The following MTCL1 variants were observed in gnomAD, a reference collection of about 807,000 sequenced individuals.
The protein encoded by MTCL1 is microtubule cross-linking factor 1.
MTCL1 carries 79 observed loss-of-function variants against 141.4 expected under a neutral mutation model. That is an observed-to-expected ratio of 0.56 (90% confidence interval 0.47 to 0.67). The LOEUF is 0.67. Among genes scored for constraint, MTCL1 ranks in the 30% least tolerant of loss-of-function variants. MTCL1 has a pLI of 0.00. For missense variants in MTCL1, 2,177 were observed against 2,113.9 expected, an observed-to-expected ratio of 1.03 and a Z score of -0.59; for synonymous variants, 914 against 875.8, an observed-to-expected ratio of 1.04 and a Z score of -0.77.
At chr18:8,796,165 CTTGGT>C (rs1178267668) in intron 8 of MTCL1, 62 bp from the exon 8 acceptor site, 4 of 1,535,044 alleles carry the variant, frequency 2.6e-6, no homozygotes, top group Non-Finnish European at 3.6e-6. Flanking sequence ...TGCAGGGACT[CTTGGT>C]TTGGTTTGGG....
rs570271268 is a variant in MTCL1, at chr18:8,824,792, G to A, written c.3282G>A (p.Lys1094=). The A allele has an allele frequency of 5.5e-5, 88 of 1,614,178 alleles. 1 individual carries two copies. In the South Asian group the frequency reaches 9.1e-4, roughly 17 times the overall value. The change falls in exon 15 of 17, where the codon AAG becomes AAA. Residue 1094 remains lysine (K), a synonymous_variant. Transcript: ENST00000359865. ...AGGGCCTGCCGTCCACCAGCAGCAA[G>A]GAGGATGTCACCCCACCCCTGTCTC...
intron 16 of MTCL1, chr18:8,831,082 A>G (rs2077178061): frequency 2.0e-6 from 2 of 985,880 alleles, no homozygotes; most frequent in South Asian, 9.4e-5. Context: ...CTCCCAGTCA[A>G]TTTCAAATAA....
At position 8,830,252 on chromosome 18, in the gene MTCL1, T is replaced by A. The variant is rs975127620; in HGVS notation, c.*18+1288T>A. 9 of 985,406 alleles carry A rather than the reference T, an allele frequency of 9.1e-6. No homozygotes were observed. In the African/African-American group the frequency reaches 1.6e-4, roughly 17 times the overall value. 61.0% of individuals were successfully genotyped at this position (985,406 alleles called of 1,614,324 possible). On this transcript the variant is annotated intron_variant, in intron 16 of 16. Coordinates refer to ENST00000359865, the Ensembl canonical transcript of MTCL1. This position sits in a 1 kb window ranked among gnomAD's most constrained non-coding sequence, Gnocchi z 6.4. Reference sequence around the variant, plus strand: ...TTAACTGGAGAGGTATTTCTGGTTGTCACGGTACTGTTAGCATAATGCTTT... The same window carrying A: ...TTAACTGGAGAGGTATTTCTGGTTGACACGGTACTGTTAGCATAATGCTTT...
At chr18:8,753,957 A>G (rs1281358940) in intron 4 of MTCL1, among the ~76,000 whole-genome samples, 1 of 152,222 alleles carries the variant, frequency 6.6e-6, no homozygotes, top group African/African-American at 2.4e-5. Flanking sequence ...ATTTGGTGAT[A>G]TACTTCAAAT....
intron 15 of MTCL1, among the ~76,000 whole-genome samples, chr18:8,827,996 C>T (rs1281151964): frequency 2.0e-5 from 3 of 152,202 alleles, no homozygotes; most frequent in Non-Finnish European, 2.9e-5. Flanking sequence ...TCAGAGCGGG[C>T]ATGGAGCACT....
intron 13 of MTCL1, 139 bp from the exon 13 acceptor site, chr18:8,821,328 C>A: frequency 1.7e-6 from 1 of 600,340 alleles, no homozygotes; most frequent in African/African-American, 1.9e-5. Flanking sequence ...AGTAGCACTC[C>A]TAACCAGAGC....
At chr18:8,715,983 C>T (rs1035985912), upstream of MTCL1, among the ~76,000 whole-genome samples, 2 of 152,190 alleles carry the variant, frequency 1.3e-5, no homozygotes, top group South Asian at 2.1e-4. Context: ...AGCTCCTATG[C>T]TCAGTCCAGT....
At chr18:8,713,985 G>A (rs563410134), upstream of MTCL1, among the ~76,000 whole-genome samples, 6 of 152,316 alleles carry the variant, frequency 3.9e-5, no homozygotes, top group Admixed American at 2.0e-4. Flanking sequence ...TTTACCGCAC[G>A]TTGCAGTGTC....
At chr18:8,788,820 C>T (rs925935884) in intron 7 of MTCL1, among the ~76,000 whole-genome samples, 1 of 152,180 alleles carries the variant, frequency 6.6e-6, no homozygotes, top group African/African-American at 2.4e-5. Flanking sequence ...TCAATGCAAC[C>T]ACGCAAAAAT....
At chr18:8,805,827 G>GA in intron 10 of MTCL1, among the ~76,000 whole-genome samples, 1 of 152,302 alleles carries the variant, frequency 6.6e-6, no homozygotes, top group Admixed American at 6.5e-5. Context: ...GTGCTGGTTG[G>GA]AAGAGATGGG....
intron 4 of MTCL1, among the ~76,000 whole-genome samples, chr18:8,739,887 A>G (rs2096293105): frequency 6.6e-6 from 1 of 152,078 alleles, no homozygotes; most frequent in Non-Finnish European, 1.5e-5. Flanking sequence ...GCACGCCACC[A>G]CACCCAGCTA....
intron 4 of MTCL1, among the ~76,000 whole-genome samples, chr18:8,748,599 CACACATATAT>C (rs1355064109): frequency 3.3e-5 from 5 of 151,990 alleles, no homozygotes; most frequent in Admixed American, 1.3e-4. Flanking sequence ...CACACATATA[CACACATATAT>C]ATATTCTGAA....
At chr18:8,748,465 C>T (rs375215157) in intron 4 of MTCL1, among the ~76,000 whole-genome samples, 95 of 152,052 alleles carry the variant, frequency 6.2e-4, no homozygotes, top group African/African-American at 2.1e-3. Context: ...ATCGTTTGAG[C>T]GCGGGAGATC....
rs140591538 is a variant in MTCL1 at position 8,776,722 on chromosome 18, G to GTTAT, written c.358-1064_358-1061dup. Among the ~76,000 whole-genome samples, 428 of 142,770 alleles carry GTTAT rather than the reference G, an allele frequency of 3.0e-3. 1 individual carries two copies. The highest frequency in any genetic ancestry group is 3.9e-3 in the East Asian group (19 of 4,904). 93.7% of individuals were successfully genotyped at this position (142,770 alleles called of 152,430 possible). A position where few individuals can be genotyped will look rare whatever the true frequency, so the allele number is the denominator to read the frequency against. On this transcript the variant is annotated intron_variant, in intron 4 of 16. Coordinates refer to ENST00000359865, the Ensembl canonical transcript of MTCL1. ...TTATCTGGCCACTCAGGAAACACTAGTTATTTATTTATTTATTTATTTATT... is the reference window on the plus strand; with the variant it reads ...TTATCTGGCCACTCAGGAAACACTAGTTATTTATTTATTTATTTATTTATTTATT...
At chr18:8,786,119 C>CCTA in intron 7 of MTCL1, 28 bp downstream of exon 6, 2 of 1,428,828 alleles carry the variant, frequency 1.4e-6, no homozygotes. Flanking sequence ...ATCCCCCCCC[C>CCTA]CCGCCCTCCC....
chr18:8,774,569 C>A (rs1292348969), intron 4 of MTCL1, among the ~76,000 whole-genome samples: 1 of 152,124 alleles, frequency 6.6e-6, no homozygotes, highest in Non-Finnish European at 1.5e-5. Flanking sequence ...CTCAGTGCAA[C>A]CTCCACCTCC....
chr18:8,813,835 G>A (rs1380263229), intron 12 of MTCL1, among the ~76,000 whole-genome samples: 1 of 152,102 alleles, frequency 6.6e-6, no homozygotes, highest in Non-Finnish European at 1.5e-5. Context: ...TGGGGAGGAG[G>A]GGGGTAGTCA....
rs2077207253 is a variant in MTCL1, at chr18:8,832,051, TAC to T, written c.*469_*470del. On this transcript the variant is annotated 3_prime_UTR_variant, in exon 17 of 17. Transcript: ENST00000359865. ...AAACTATTTTTGTCTCCATCTTTTTTACACACAGTATATTAAACGAAAAGGTA... is the reference window on the plus strand; with the variant it reads ...AAACTATTTTTGTCTCCATCTTTTTTACACAGTATATTAAACGAAAAGGTA... 8 of 559,006 alleles carry T rather than the reference TAC, an allele frequency of 1.4e-5. No individual in the cohort carries two copies. In the East Asian group the frequency reaches 2.4e-4, roughly 17 times the overall value. The allele number at this position is 559,006 out of a possible 1,614,324, so 34.6% of individuals were successfully genotyped here.
exon 7 of MTCL1, chr18:8,786,046 C>T: frequency 6.3e-7 from 1 of 1,599,564 alleles, no homozygotes; most frequent in Non-Finnish European, 8.5e-7. Flanking sequence ...CAGACGGGGA[C>T]ACCGGGAGCC....
Sources: allele counts gnomAD v4.1 joint callset (sites outside exome capture counted in the v4.1 genomes callset), GRCh38; gene constraint gnomAD v4.1.1; non-coding constraint Gnocchi (gnomAD v3.1); transcripts MANE v1.5; gene names NCBI Gene and HGNC (gene_info 2026-07-23, HGNC 2026-07-21).